Variants in AGMO observed in about 807,000 individuals in gnomAD.
AGMO encodes alkylglycerol monooxygenase.
Under a neutral mutation model 60.2 loss-of-function variants are expected in AGMO, and 75 were observed. The ratio of observed to expected loss-of-function variants is 1.25; its 90% confidence interval spans 1.03 to 1.51. The LOEUF is 1.51. Among genes scored for constraint, AGMO ranks in the 40% most tolerant of loss-of-function variants. AGMO has a pLI of 0.00. For synonymous variants in AGMO, 261 were observed against 177.1 expected (o/e 1.47, Z -3.76); for missense variants, 763 against 525.5 (o/e 1.45, Z -4.42).
Position 15,387,508 on chromosome 7 carries a change from G to A in AGMO, c.855C>T (p.Phe285=), listed in dbSNP as rs772554565. 2 of 1,613,414 alleles carry A rather than the reference G, an allele frequency of 1.2e-6. No homozygotes were observed. Among genetic ancestry groups the A allele is most frequent in the Non-Finnish European group, 1.7e-6 (2 of 1,179,716 alleles). Residue 285 remains phenylalanine (F), a synonymous_variant, in exon 9 of 13, where the codon TTC becomes TTT. Transcript: ENST00000342526. Reference sequence around the variant, plus strand: ...TATTGAAGAATCCAGGTGTGGCCCAGAATGTAGTCCATATGGAAAATAAGT... The same window carrying A: ...TATTGAAGAATCCAGGTGTGGCCCAAAATGTAGTCCATATGGAAAATAAGT... ...FHHLFSIWTT[F]WATPGFFNKF...
In AGMO at chr7:15,465,806, C is replaced by G. The variant is rs114767438; in HGVS notation, c.410-34698G>C. Among the ~76,000 whole-genome samples the G allele has an allele frequency of 9.9e-5, 15 of 151,740 alleles. 1 individual carries two copies. Among genetic ancestry groups the G allele is most frequent in the African/African-American group, 3.6e-4 (15 of 41,306 alleles). ...TTGTTTATCTGTATTTACTTGATAA[C>G]CTGTTCCTACCAGTCAATAAGGAAA... On this transcript the variant is annotated intron_variant, in intron 3 of 12. Coordinates refer to ENST00000342526, the MANE Select transcript of AGMO (RefSeq NM_001004320.2).
At position 15,393,998 on chromosome 7, in the gene AGMO, T is replaced by C. The variant is rs566081795; in HGVS notation, c.676+115A>G. On this transcript the variant is annotated intron_variant, in intron 6 of 12. Transcript: ENST00000342526. ...ATAGAAAAGAAGAAACTATTATTTA[T>C]TTGTAAAATGTGTGCTGACTATATT... The C allele has an allele frequency of 1.5e-4, 114 of 771,482 alleles. 1 individual carries two copies. In the South Asian group the frequency reaches 1.8e-3, roughly 12 times the overall value. 47.8% of individuals were successfully genotyped at this position (771,482 alleles called of 1,614,324 possible).
the AGMO span, among the ~76,000 whole-genome samples, chr7:15,118,207 CACAT>C: frequency 9.3e-5 from 13 of 140,332 alleles, no homozygotes; most frequent in East Asian, 4.8e-4. Flanking sequence ...CACACACACA[CACAT>C]ATATACAAAC....
At chr7:15,216,969 C>G (rs1296533168) in intron 12 of AGMO, among the ~76,000 whole-genome samples, 1 of 151,824 alleles carries the variant, frequency 6.6e-6, no homozygotes, top group Non-Finnish European at 1.5e-5. Flanking sequence ...ATAAAGTGTC[C>G]TAATTCACAG....
chr7:15,448,329 C>T (rs538674969), intron 3 of AGMO, among the ~76,000 whole-genome samples: 3 of 152,300 alleles, frequency 2.0e-5, no homozygotes, highest in South Asian at 2.1e-4. Flanking sequence ...TCCCGCACCT[C>T]TTCTGCCATA....
At chr7:15,228,897 T>C (rs1480270079) in intron 12 of AGMO, among the ~76,000 whole-genome samples, 1 of 152,062 alleles carries the variant, frequency 6.6e-6, no homozygotes, top group Non-Finnish European at 1.5e-5. Flanking sequence ...TACGCAGTGG[T>C]CCAATCAAAA....
At chr7:15,506,651 C>CAAATAGAAGAAGA in intron 3 of AGMO, among the ~76,000 whole-genome samples, 1 of 151,900 alleles carries the variant, frequency 6.6e-6, no homozygotes, top group Non-Finnish European at 1.5e-5. Flanking sequence ...TTCTATTGTA[C>CAAATAGAAGAAGA]CTGAAATAGT....
intron 12 of AGMO, among the ~76,000 whole-genome samples, chr7:15,213,194 CT>C (rs762141823): frequency 1.3e-5 from 2 of 151,722 alleles, no homozygotes; most frequent in South Asian, 2.1e-4. Context: ...TCACCCATCA[CT>C]TTTGAAAACC....
chr7:15,329,850 G>C (rs1430379193), intron 12 of AGMO, among the ~76,000 whole-genome samples: 1 of 152,094 alleles, frequency 6.6e-6, no homozygotes, highest in Non-Finnish European at 1.5e-5. Context: ...TATCCCACGA[G>C]CATCCTTACT....
downstream of AGMO, among the ~76,000 whole-genome samples, chr7:15,198,196 C>CGAGAGAGAGAGAGAGAGAGA (rs748392069): frequency 1.0e-4 from 8 of 77,402 alleles, no homozygotes; most frequent in Non-Finnish European, 1.4e-4. Flanking sequence ...AGGGCTTTCC[C>CGAGAGAGAGAGAGAGAGAGA]GAGAGAGAGA....
At chr7:15,381,861 G>A (rs765817696) in intron 10 of AGMO, among the ~76,000 whole-genome samples, 1 of 152,148 alleles carries the variant, frequency 6.6e-6, no homozygotes, top group Non-Finnish European at 1.5e-5. Context: ...ATGAGGTCAT[G>A]TCCTTTGCAT....
chr7:15,192,352 G>A, the AGMO span, among the ~76,000 whole-genome samples: 2 of 151,998 alleles, frequency 1.3e-5, no homozygotes, highest in African/African-American at 2.4e-5. Context: ...TGGCAGAGAA[G>A]GAGAGAAGAG....
intron 3 of AGMO, among the ~76,000 whole-genome samples, chr7:15,482,956 A>G (rs1240539671): frequency 5.3e-5 from 8 of 152,210 alleles, no homozygotes; most frequent in Non-Finnish European, 1.2e-4. Flanking sequence ...AAAATTAACA[A>G]ATTTGGAACA....
intron 5 of AGMO, among the ~76,000 whole-genome samples, chr7:15,398,178 T>C (rs551208674): frequency 1.3e-5 from 2 of 152,252 alleles, no homozygotes; most frequent in African/African-American, 4.8e-5. Flanking sequence ...CCCAGATGAA[T>C]TTCTGATCCT....
chr7:15,324,566 C>T (rs1259807710), intron 12 of AGMO, among the ~76,000 whole-genome samples: 1 of 152,124 alleles, frequency 6.6e-6, no homozygotes, highest in Admixed American at 6.6e-5. Context: ...TTCTTCTCCC[C>T]CTCATCTCCC....
chr7:15,291,414 T>C (rs1563072395), intron 12 of AGMO, among the ~76,000 whole-genome samples: 1 of 152,216 alleles, frequency 6.6e-6, no homozygotes. Context: ...CTATTGTATT[T>C]CTAACTTTGC....
At chr7:15,239,759 C>T (rs1307936840) in intron 12 of AGMO, among the ~76,000 whole-genome samples, 1 of 152,092 alleles carries the variant, frequency 6.6e-6, no homozygotes, top group Non-Finnish European at 1.5e-5. Flanking sequence ...TTATTATGTA[C>T]ACTTATTAAG....
At chr7:15,322,595 TATATATAA>T (rs1227481579) in intron 12 of AGMO, among the ~76,000 whole-genome samples, 12 of 44,658 alleles carry the variant, frequency 2.7e-4, no homozygotes, top group South Asian at 2.0e-3. Flanking sequence ...AATATATAAA[TATATATAA>T]ATATATATAA....
intron 3 of AGMO, among the ~76,000 whole-genome samples, chr7:15,504,287 T>C (rs1486631993): frequency 2.0e-5 from 3 of 152,128 alleles, no homozygotes; most frequent in East Asian, 1.9e-4. Context: ...AACTAGAAAC[T>C]TTATAAAGAT....
Sources: gnomAD v4.1 joint callset for allele counts (sites outside exome capture counted in the v4.1 genomes callset) on GRCh38, gnomAD v4.1.1 for gene constraint, MANE v1.5 for transcripts, NCBI Gene and HGNC (gene_info 2026-07-23, HGNC 2026-07-21) for gene names.